The following FCHSD2 variants were observed in gnomAD, a reference collection of about 807,000 sequenced individuals.
FCHSD2 encodes the protein FCH and double SH3 domains 2, also known as F-BAR and double SH3 domains protein 2.
Under a neutral mutation model 108.1 loss-of-function variants are expected in FCHSD2, and 38 were observed. The observed-to-expected ratio is 0.35, with a 90% CI of 0.27 to 0.46. The LOEUF (loss-of-function observed/expected upper bound fraction) is 0.46. Among genes scored for constraint, FCHSD2 ranks in the 20% least tolerant of loss-of-function variants. The probability of loss-of-function intolerance (pLI) is 1.00; values close to 1 mark genes in which losing one functional copy is unlikely to be tolerated. For missense variants in FCHSD2, 751 were observed against 897.8 expected, an observed-to-expected ratio of 0.84 and a Z score of 2.09; for synonymous variants, 279 against 314.7, an observed-to-expected ratio of 0.89 and a Z score of 1.20.
At chr11:72,925,058 CA>C (rs200809431) in intron 8 of FCHSD2, among the ~76,000 whole-genome samples, 3 of 148,522 alleles carry the variant, frequency 2.0e-5, no homozygotes, top group African/African-American at 2.5e-5. Flanking sequence ...ATCATGAGCT[CA>C]AAAAAAAATA....
At chr11:73,106,144 T>C (rs1860336578) in intron 2 of FCHSD2, among the ~76,000 whole-genome samples, 1 of 152,082 alleles carries the variant, frequency 6.6e-6, no homozygotes, top group Non-Finnish European at 1.5e-5. Flanking sequence ...ATTTCCCTTA[T>C]TGGACCTCGG....
Position 73,015,858 on chromosome 11 carries a change from G to T in FCHSD2, c.193C>A (p.Leu65Met). The change falls in exon 4 of 20, where the codon CTG (leucine) becomes ATG (methionine). Residue 65 changes from leucine to methionine, a missense_variant. By Grantham distance (15) the Leu-to-Met change is conservative. Coordinates refer to ENST00000409418, the MANE Select transcript of FCHSD2 (RefSeq NM_014824.3). ...TTTACTCCAGGCCAATCTCTCTTCA[G>T]GTATTGACTAGCCAACTTCTGCATA... is the stretch of plus-strand genomic sequence containing the variant. ...QGMQKLASQY[L>M]KRDWPGVKAD... is the part of the protein sequence containing the mutation. The T allele has an allele frequency of 6.2e-7, 1 of 1,603,260 alleles. No homozygotes were observed. Among genetic ancestry groups the T allele is most frequent in the Non-Finnish European group, 8.5e-7 (1 of 1,173,310 alleles).
chr11:72,911,610 T>G (rs188542700), intron 9 of FCHSD2, among the ~76,000 whole-genome samples: 14 of 152,322 alleles, frequency 9.2e-5, no homozygotes, highest in African/African-American at 3.1e-4. Context: ...ATTCTCCCAA[T>G]CCATCAACAT....
chr11:72,868,175 G>T (rs1854771808), intron 12 of FCHSD2, 149 bp from the exon 13 acceptor site: 1 of 714,232 alleles, frequency 1.4e-6, no homozygotes, highest in Non-Finnish European at 2.2e-6. Flanking sequence ...GCCATAAAAA[G>T]GACAGAGATC....
chr11:72,922,988 TTCTACC>T (rs1856003673), intron 8 of FCHSD2, among the ~76,000 whole-genome samples: 1 of 152,182 alleles, frequency 6.6e-6, no homozygotes, highest in South Asian at 2.1e-4. Flanking sequence ...CTAGTCTGCT[TTCTACC>T]TCTATGGATT....
At chr11:73,086,212 AG>A (rs1339566926) in intron 2 of FCHSD2, among the ~76,000 whole-genome samples, 1 of 152,124 alleles carries the variant, frequency 6.6e-6, no homozygotes, top group East Asian at 1.9e-4. Flanking sequence ...AGTTTAAGAC[AG>A]GCCTGGCCAA....
At chr11:72,944,897 A>G (rs1382511738) in intron 8 of FCHSD2, among the ~76,000 whole-genome samples, 1 of 152,216 alleles carries the variant, frequency 6.6e-6, no homozygotes, top group Non-Finnish European at 1.5e-5. Flanking sequence ...AATGAAATAA[A>G]AAAGGATACA....
intron 10 of FCHSD2, among the ~76,000 whole-genome samples, chr11:72,892,821 G>A (rs1031526780): frequency 6.6e-6 from 1 of 151,862 alleles, no homozygotes; most frequent in Non-Finnish European, 1.5e-5. Context: ...GGCCAGGATG[G>A]TCTCGATCTC....
intron 8 of FCHSD2, among the ~76,000 whole-genome samples, chr11:72,955,985 A>C (rs1856703945): frequency 6.6e-6 from 1 of 152,180 alleles, no homozygotes; most frequent in Admixed American, 6.5e-5. Context: ...TCCTCCACTA[A>C]AAGGAAACAG....
At chr11:72,879,111 AAAAACAAAAC>A (rs1406167289) in intron 12 of FCHSD2, among the ~76,000 whole-genome samples, 1 of 152,134 alleles carries the variant, frequency 6.6e-6, no homozygotes, top group Non-Finnish European at 1.5e-5. Flanking sequence ...ACTTTGTCTC[AAAAACAAAAC>A]AAAACAAAAA....
chr11:73,093,537 C>T (rs879226796), intron 2 of FCHSD2, among the ~76,000 whole-genome samples: 2 of 152,060 alleles, frequency 1.3e-5, no homozygotes, highest in East Asian at 3.9e-4. Flanking sequence ...AATTCATCAC[C>T]AAGATAAGCA....
At chr11:72,950,516 T>TAGAG (rs1856602126) in intron 8 of FCHSD2, among the ~76,000 whole-genome samples, 2 of 152,120 alleles carry the variant, frequency 1.3e-5, no homozygotes, top group African/African-American at 4.8e-5. Flanking sequence ...TGCTGTGAGG[T>TAGAG]AGAGGTCCAA....
intron 1 of FCHSD2, 96 bp downstream of exon 1, chr11:73,141,761 C>A (rs1054581916): frequency 1.5e-6 from 2 of 1,334,142 alleles, no homozygotes; most frequent in South Asian, 1.3e-5. Flanking sequence ...GCGGTCACGG[C>A]CCCTTGCGGG....
chr11:72,986,625 C>T (rs80096155), intron 6 of FCHSD2, among the ~76,000 whole-genome samples: 2,633 of 152,244 alleles, frequency 0.017, 43 homozygotes, highest in African/African-American at 0.043. Flanking sequence ...TGGGGATATT[C>T]CCAGTTCTCC....
At chr11:72,848,172 C>T (rs1861195781) in intron 14 of FCHSD2, among the ~76,000 whole-genome samples, 2 of 152,146 alleles carry the variant, frequency 1.3e-5, no homozygotes, top group South Asian at 2.1e-4. Flanking sequence ...TGATTTCAGG[C>T]CATCTAAGGA....
chr11:72,940,474 G>T, intron 8 of FCHSD2: 4 of 688,690 alleles, frequency 5.8e-6, no homozygotes, highest in Admixed American at 4.4e-5. Flanking sequence ...TTTCTGTCTG[G>T]CAGTAGCCAT....
chr11:72,948,371 A>G (rs373087879), intron 8 of FCHSD2, among the ~76,000 whole-genome samples: 1 of 152,160 alleles, frequency 6.6e-6, no homozygotes, highest in Non-Finnish European at 1.5e-5. Flanking sequence ...AAATTACTGA[A>G]TGTTTCATTT....
At chr11:73,116,536 G>A (rs1433742874) in intron 2 of FCHSD2, among the ~76,000 whole-genome samples, 1 of 151,736 alleles carries the variant, frequency 6.6e-6, no homozygotes. Flanking sequence ...TCCTTCTTTC[G>A]TTTTTGTTTT....
At chr11:72,928,007 C>T (rs1856111172) in intron 8 of FCHSD2, among the ~76,000 whole-genome samples, 1 of 152,080 alleles carries the variant, frequency 6.6e-6, no homozygotes, top group Non-Finnish European at 1.5e-5. Flanking sequence ...AGTGGGAGTA[C>T]CACATACTCC....
Sources: gnomAD v4.1 joint callset for allele counts (sites outside exome capture counted in the v4.1 genomes callset) on GRCh38, gnomAD v4.1.1 for gene constraint, MANE v1.5 for transcripts, NCBI Gene and HGNC (gene_info 2026-07-23, HGNC 2026-07-21) for gene names.